TTC27: variants seen among roughly 807,000 people sequenced by gnomAD.
The protein encoded by TTC27 is tetratricopeptide repeat protein 27.
TTC27 carries 79 observed loss-of-function variants against 115.9 expected under a neutral mutation model. That is an observed-to-expected ratio of 0.68 (90% confidence interval 0.57 to 0.82). The LOEUF is 0.82. Among genes scored for constraint, TTC27 ranks in the 40% least tolerant of loss-of-function variants. The pLI, the probability that TTC27 is intolerant of heterozygous loss-of-function variation, is 0.00. For synonymous variants in TTC27, 401 were observed against 356.0 expected, an observed-to-expected ratio of 1.13 and a Z score of -1.42; for missense variants, 1,054 against 993.1, an observed-to-expected ratio of 1.06 and a Z score of -0.82.
intron 5 of TTC27, among the ~76,000 whole-genome samples, chr2:32,659,780 C>A (rs976490842): frequency 5.9e-5 from 9 of 152,070 alleles, no homozygotes; most frequent in African/African-American, 2.2e-4. Flanking sequence ...GTTTTCTGTT[C>A]CCGTGTTAGT....
intron 4 of TTC27, among the ~76,000 whole-genome samples, chr2:32,644,660 C>T (rs1664781462): frequency 1.3e-5 from 2 of 151,932 alleles, no homozygotes; most frequent in Non-Finnish European, 2.9e-5. Flanking sequence ...AACTCCTGGC[C>T]TCAAGTGATC....
At chr2:32,718,963 T>C in intron 10 of TTC27, among the ~76,000 whole-genome samples, 1 of 152,184 alleles carries the variant, frequency 6.6e-6, no homozygotes, top group Non-Finnish European at 1.5e-5. Context: ...AGATAGTATC[T>C]CCTAAGTGGT....
chr2:32,811,046 C>T lies in TTC27; in HGVS notation c.2021C>T (p.Ala674Val). The change falls in exon 17 of 20, where the codon GCA becomes GTA. Residue 674 changes from alanine (A) to valine (V), a missense_variant. Physicochemically the swap from Ala to Val is moderately conservative, Grantham distance 64. Transcript: ENST00000317907. ...AAGGTCCTTAAAATTCTAGTCAGGG[C>T]AGTGATTGATGGGATGACTGATCGA... ...DVQVLKILVRAVIDGMTDRSG... is the reference protein window; with the variant it reads ...DVQVLKILVRVVIDGMTDRSG... 4 of 1,614,070 alleles carry T rather than the reference C, an allele frequency of 2.5e-6. No individual in the cohort carries two copies. The highest frequency in any genetic ancestry group is 3.4e-6 in the Non-Finnish European group (4 of 1,180,000).
In TTC27 at chr2:32,641,722, A is replaced by T. The variant is rs181842488; in HGVS notation, c.537+1312A>T. On this transcript the variant is annotated intron_variant, in intron 4 of 19. Coordinates refer to ENST00000317907, the MANE Select transcript of TTC27 (RefSeq NM_017735.5). ...AGATGGAGTTTCACTCTTGTTGCCC[A>T]GGCTGGAGTGCAATGGCGCGATCTC... Among the ~76,000 whole-genome samples, 25 of 152,190 alleles carry T rather than the reference A, an allele frequency of 1.6e-4. 1 individual carries two copies. In the East Asian group the frequency reaches 3.5e-3, roughly 21 times the overall value.
At chr2:32,726,839 A>G (rs572735716) in intron 10 of TTC27, among the ~76,000 whole-genome samples, 1 of 152,352 alleles carries the variant, frequency 6.6e-6, no homozygotes. Flanking sequence ...TTACAGTTTC[A>G]CGTGGCTGGG....
chr2:32,663,319 A>G (rs919449951), intron 5 of TTC27, among the ~76,000 whole-genome samples: 19 of 152,280 alleles, frequency 1.2e-4, no homozygotes, highest in African/African-American at 4.6e-4. Context: ...ACCCGAGGGA[A>G]TCTCCTGGCC....
chr2:32,774,688 C>G (rs918086607), intron 13 of TTC27, among the ~76,000 whole-genome samples: 5 of 152,002 alleles, frequency 3.3e-5, no homozygotes, highest in Admixed American at 2.0e-4. Flanking sequence ...ATGCCAGTCA[C>G]TATTGGTAAT....
intron 3 of TTC27, among the ~76,000 whole-genome samples, chr2:32,639,392 G>A (rs1664552001): frequency 6.6e-6 from 1 of 152,042 alleles, no homozygotes. Flanking sequence ...ATTTTTCAAA[G>A]GCATCCTTTT....
intron 10 of TTC27, among the ~76,000 whole-genome samples, chr2:32,727,325 A>T (rs921278303): frequency 1.3e-5 from 2 of 152,212 alleles, no homozygotes; most frequent in African/African-American, 2.4e-5. Flanking sequence ...CTAGTGCATG[A>T]TGTTACACAA....
At chr2:32,817,909 T>C (rs1312823464) in intron 19 of TTC27, among the ~76,000 whole-genome samples, 1 of 151,862 alleles carries the variant, frequency 6.6e-6, no homozygotes, top group Non-Finnish European at 1.5e-5. Flanking sequence ...ATACAGAAAT[T>C]AGCTGGGCAT....
In TTC27 at chr2:32,736,124, A is replaced by G. The variant is rs376548637; in HGVS notation, c.1330-570A>G. ...TATAAACCACAATATATTTATTTTT[A>G]AATATGTTTAACTTTCACTGACCTT... On this transcript the variant is annotated intron_variant, in intron 11 of 19. Transcript: ENST00000317907. 3.3e-5 allele frequency among the ~76,000 whole-genome samples: 5 copies of G among 152,172 alleles called. No homozygotes were observed. In the South Asian group the frequency reaches 6.2e-4, roughly 19 times the overall value.
At chr2:32,761,946 C>G (rs1375633262) in intron 13 of TTC27, among the ~76,000 whole-genome samples, 1 of 152,124 alleles carries the variant, frequency 6.6e-6, no homozygotes, top group Non-Finnish European at 1.5e-5. Flanking sequence ...TACTAATTGT[C>G]TGCCCTGCAC....
At chr2:32,678,368 A>C (rs1436396249) in intron 8 of TTC27, among the ~76,000 whole-genome samples, 1 of 151,850 alleles carries the variant, frequency 6.6e-6, no homozygotes, top group Non-Finnish European at 1.5e-5. Context: ...ATCTTTGACA[A>C]ACTCTACATT....
At chr2:32,718,847 C>T (rs1179837642) in intron 10 of TTC27, among the ~76,000 whole-genome samples, 2 of 152,222 alleles carry the variant, frequency 1.3e-5, no homozygotes, top group African/African-American at 2.4e-5. Flanking sequence ...GGCAACTGGG[C>T]ACTCTTGCTG....
intron 2 of TTC27, among the ~76,000 whole-genome samples, chr2:32,631,229 G>A (rs1664192751): frequency 6.6e-6 from 1 of 152,156 alleles, no homozygotes; most frequent in South Asian, 2.1e-4. Context: ...CTTGAACCTG[G>A]GAGGTGGAGG....
chr2:32,780,272 A>C (rs571990318), intron 14 of TTC27, among the ~76,000 whole-genome samples: 1 of 152,228 alleles, frequency 6.6e-6, no homozygotes, highest in Admixed American at 6.5e-5. Context: ...AATAATATTA[A>C]GTCTTTTGAT....
intron 14 of TTC27, 96 bp from the exon 15 acceptor site, chr2:32,782,530 A>T (rs1335387771): frequency 1.0e-6 from 1 of 983,058 alleles, no homozygotes; most frequent in East Asian, 2.4e-5. Context: ...TTTAAAGAGC[A>T]TATATTGGAC....
chr2:32,711,668 G>A lies in TTC27; in HGVS notation c.1233+8748G>A, dbSNP rs537025681. ...AAAACTTGAGGAAAAGGCTGGGGGCGGTGGCTCATGCCTGTAATCCCAGCA... is the reference window on the plus strand; with the variant it reads ...AAAACTTGAGGAAAAGGCTGGGGGCAGTGGCTCATGCCTGTAATCCCAGCA... On this transcript the variant is annotated intron_variant, in intron 10 of 19. Coordinates refer to ENST00000317907, the MANE Select transcript of TTC27 (RefSeq NM_017735.5). 2.6e-5 allele frequency among the ~76,000 whole-genome samples: 4 copies of A among 152,184 alleles called. No homozygotes were observed. The East Asian group carries it at 5.8e-4, about 22-fold the overall frequency.
intron 10 of TTC27, among the ~76,000 whole-genome samples, chr2:32,706,077 C>CTTTTTTTTTTTTTTTTT (rs148953090): frequency 1.9e-5 from 1 of 53,230 alleles, no homozygotes; most frequent in Non-Finnish European, 3.2e-5. Context: ...TTACCTTACT[C>CTTTTTTTTTTTTTTTTT]TTTTTTTTTT....
Sources: allele counts gnomAD v4.1 joint callset (sites outside exome capture counted in the v4.1 genomes callset), GRCh38; gene constraint gnomAD v4.1.1; transcripts MANE v1.5; gene names NCBI Gene and HGNC (gene_info 2026-07-23, HGNC 2026-07-21).